TMEM231: variants seen among roughly 807,000 people sequenced by gnomAD.
TMEM231 encodes transmembrane protein 231.
In TMEM231, 40 loss-of-function variants were observed where a neutral mutation model predicts 38.5. That is an observed-to-expected ratio of 1.04 (90% CI 0.81 to 1.35). The LOEUF (loss-of-function observed/expected upper bound fraction) is 1.35, where lower values mean the gene tolerates loss of function less well. Among genes scored for constraint, TMEM231 ranks in the 40% most tolerant of loss-of-function variants. The pLI, the probability that TMEM231 is intolerant of heterozygous loss-of-function variation, is 0.00. For synonymous variants in TMEM231, 199 were observed against 181.7 expected (o/e 1.10, Z -0.77); for missense variants, 420 against 416.9 (o/e 1.01, Z -0.07).
chr16:75,546,087 A>G, intron 2 of TMEM231, 133 bp from the exon 3 acceptor site: 1 of 1,545,884 alleles, frequency 6.5e-7, no homozygotes, highest in Non-Finnish European at 8.7e-7. Flanking sequence ...ACTAAAAGAG[A>G]AAAGCAGATA....
rs2080608020 is a variant in TMEM231, at chr16:75,540,274, G to C, written c.771-100C>G. On this transcript the variant is annotated intron_variant, in intron 6 of 6. Coordinates refer to ENST00000258173, the MANE Select transcript of TMEM231 (RefSeq NM_001077418.3). ...GCAGAGGTATCTCGAAAGGAGGCAG[G>C]ACCTCTGTCATGTACACACCCAGAT... The C allele has an allele frequency of 2.4e-6, 3 of 1,227,882 alleles. No homozygotes were observed. In the African/African-American group the frequency reaches 4.5e-5, roughly 18 times the overall value. 76.1% of individuals were successfully genotyped at this position (1,227,882 alleles called of 1,614,324 possible).
intron 2 of TMEM231, 46 bp downstream of exon 2, chr16:75,555,758 C>T: frequency 6.9e-7 from 1 of 1,458,676 alleles, no homozygotes; most frequent in Non-Finnish European, 9.1e-7. Flanking sequence ...TCCCCATCCC[C>T]ACCCTATCCC....
At chr16:75,551,786 AT>A (rs1206108688) in intron 2 of TMEM231, among the ~76,000 whole-genome samples, 4 of 151,860 alleles carry the variant, frequency 2.6e-5, no homozygotes, top group Non-Finnish European at 5.9e-5. Flanking sequence ...ACATGATGAA[AT>A]CCCGTCTCTA....
chr16:75,545,379 G>A lies in TMEM231; in HGVS notation c.555C>T (p.Ser185=), dbSNP rs1411391097. The A allele has an allele frequency of 6.2e-7, 1 of 1,612,736 alleles. No homozygotes were observed. The highest frequency in any genetic ancestry group is 1.1e-5 in the South Asian group (1 of 90,960). The change falls in exon 4 of 7, where the codon AGC becomes AGT. Residue 185 remains serine (S), a synonymous_variant. Coordinates refer to ENST00000258173, the MANE Select transcript of TMEM231 (RefSeq NM_001077418.3). The part of the protein sequence containing the change: ...DLRLQQKQPL[S]CGGLDARYNI... ...TGTATCGGGCATCTAGGCCACCACAGCTCAGCGGCTGCTTCTGCTGCAGCC... is the reference window on the plus strand; with the variant it reads ...TGTATCGGGCATCTAGGCCACCACAACTCAGCGGCTGCTTCTGCTGCAGCC...
intron 4 of TMEM231, among the ~76,000 whole-genome samples, chr16:75,544,523 T>A (rs938106287): frequency 1.3e-5 from 2 of 151,362 alleles, no homozygotes; most frequent in Non-Finnish European, 2.9e-5. Context: ...GTGGCTGGAG[T>A]GCGGGGAAAG....
At position 75,540,019 on chromosome 16, in the gene TMEM231, T is replaced by G; in HGVS notation, c.926A>C (p.Asp309Ala). ...TIPVTVTPRGDLCKEHLS is the reference protein window; with the variant it reads ...TIPVTVTPRGALCKEHLS ...CTAGGATAAGTGCTCCTTACACAAG[T>G]CTCCCCGGGGCGTCACTGTCACAGG... Residue 309 changes from aspartate (D) to alanine (A), a missense_variant, in exon 7 of 7, where the codon GAC (aspartate) becomes GCC (alanine). Asp to Ala is a moderately radical substitution (Grantham distance 126, BLOSUM62 -2). Transcript: ENST00000258173. The G allele has an allele frequency of 6.2e-7, 1 of 1,612,836 alleles. No homozygotes were observed. Among genetic ancestry groups the G allele is most frequent in the Non-Finnish European group, 8.5e-7 (1 of 1,179,428 alleles).
At chr16:75,549,083 G>T (rs373343678) in intron 2 of TMEM231, among the ~76,000 whole-genome samples, 4 of 152,070 alleles carry the variant, frequency 2.6e-5, no homozygotes. Context: ...GTGGAGAGAG[G>T]GGGGAGAGAA....
intron 4 of TMEM231, 62 bp from the exon 5 acceptor site, chr16:75,542,745 C>T: frequency 6.7e-7 from 1 of 1,496,000 alleles, no homozygotes; most frequent in South Asian, 1.1e-5. Context: ...TTTCCTTCTA[C>T]CCTTCTGCCC....
In TMEM231 at chr16:75,546,777, A is replaced by C. The variant is rs149788002; in HGVS notation, c.310-823T>G. Among the ~76,000 whole-genome samples the C allele has an allele frequency of 1.1e-4, 17 of 152,282 alleles. No homozygotes were observed. The East Asian group carries it at 2.7e-3, about 24-fold the overall frequency. ...TCTGTTTATAGATTCTGAAACCACG[A>C]GTGTCTTTGCTTCAGATTCTTGATG... On this transcript the variant is annotated intron_variant, in intron 2 of 6. Coordinates refer to ENST00000258173, the MANE Select transcript of TMEM231 (RefSeq NM_001077418.3).
Position 75,555,936 on chromosome 16 carries a change from C to A in TMEM231, c.177G>T (p.Pro59=). The part of the protein sequence containing the change: ...WLKRSSYEEQ[P]TVRFQHQVLL... The stretch of plus-strand genomic sequence containing the variant: ...GCACCTGGTGTTGGAAGCGCACGGT[C>A]GGCTGCTCCTCGTAGCTGCTCCGCT... Residue 59 remains proline (P), a synonymous_variant, in exon 2 of 7, where the codon CCG becomes CCT. Transcript: ENST00000258173. 1.9e-6 allele frequency: 3 copies of A among 1,604,606 alleles called. No homozygotes were observed. The highest frequency in any genetic ancestry group is 2.6e-6 in the Non-Finnish European group (3 of 1,176,102).
At chr16:75,551,681 G>C (rs1412582951) in intron 2 of TMEM231, among the ~76,000 whole-genome samples, 1 of 152,106 alleles carries the variant, frequency 6.6e-6, no homozygotes, top group Non-Finnish European at 1.5e-5. Flanking sequence ...AAGCAAAATA[G>C]GTCGGGGCAG....
At chr16:75,544,956 T>C (rs1331559053) in intron 4 of TMEM231, among the ~76,000 whole-genome samples, 231 of 134,186 alleles carry the variant, frequency 1.7e-3, no homozygotes, top group African/African-American at 5.3e-3. Context: ...TTTCTTTTTT[T>C]TTTTTTTTTT....
intron 2 of TMEM231, among the ~76,000 whole-genome samples, chr16:75,554,545 C>CAAAAAAAAAAAAAAAAAAAAAAGAAAAAA (rs1185694717): frequency 1.1e-5 from 1 of 94,116 alleles, no homozygotes. Context: ...GACTGTGTCT[C>CAAAAAAAAAAAAAAAAAAAAAAGAAAAAA]AAAAAAAAAA....
At position 75,545,919 on chromosome 16, in the gene TMEM231, C is replaced by T; in HGVS notation, c.345G>A (p.Thr115=). ...GCTCCAGCTTAAAATGTAACATGTC[C>T]GTCTTCCCATCCTGGTTCCTGTCTT... The part of the protein sequence containing the change: ...REEDRNQDGK[T]DMLHFKLELP... The change falls in exon 3 of 7, where the codon ACG becomes ACA. Residue 115 remains threonine, a synonymous_variant. Transcript: ENST00000258173. 6 of 1,520,982 alleles carry T rather than the reference C, an allele frequency of 3.9e-6. No individual in the cohort carries two copies. The South Asian group carries it at 4.9e-5, about 12-fold the overall frequency. 94.2% of individuals were successfully genotyped at this position (1,520,982 alleles called of 1,614,324 possible).
At chr16:75,554,989 C>A (rs1220114189) in intron 2 of TMEM231, 3 of 152,078 alleles carry the variant, frequency 2.0e-5, no homozygotes, top group Non-Finnish European at 4.4e-5. Context: ...CTCAGCTATA[C>A]AAGGTTGGCT....
intron 2 of TMEM231, among the ~76,000 whole-genome samples, chr16:75,549,389 G>A (rs953982360): frequency 1.4e-4 from 22 of 152,212 alleles, no homozygotes; most frequent in African/African-American, 5.1e-4. Flanking sequence ...TATCTACAAC[G>A]TATATACAGG....
chr16:75,542,750 C>T (rs909289884), intron 4 of TMEM231, 67 bp from the exon 5 acceptor site: 10 of 1,465,350 alleles, frequency 6.8e-6, no homozygotes, highest in Non-Finnish European at 9.5e-6. Context: ...TTCTACCCTT[C>T]TGCCCACCCA....
In TMEM231 at chr16:75,542,647, C is replaced by T. The variant is rs192462687; in HGVS notation, c.619G>A (p.Asp207Asn). The change falls in exon 5 of 7, where the codon GAC becomes AAC. Residue 207 changes from aspartate to asparagine, a missense_variant. Physicochemically the swap from Asp to Asn is conservative, Grantham distance 23 (BLOSUM62 1). Coordinates refer to ENST00000258173, the MANE Select transcript of TMEM231 (RefSeq NM_001077418.3). ...VINGTSPFAY[D>N]YDLTHIVAAY... ...GCAACAATATGGGTGAGGTCGTAGT[C>T]ATAGGCAAAGGGGCTGGTCCCGTTG... The T allele has an allele frequency of 6.2e-7, 1 of 1,613,910 alleles. No homozygotes were observed. The highest frequency in any genetic ancestry group is 1.1e-5 in the South Asian group (1 of 91,056).
chr16:75,549,654 C>T (rs1261596733), intron 2 of TMEM231, among the ~76,000 whole-genome samples: 1 of 152,116 alleles, frequency 6.6e-6, no homozygotes, highest in African/African-American at 2.4e-5. Flanking sequence ...GGAGGATAAC[C>T]CTTTAGAGAT....
Sources: allele counts gnomAD v4.1 joint callset (sites outside exome capture counted in the v4.1 genomes callset), GRCh38; gene constraint gnomAD v4.1.1; transcripts MANE v1.5; gene names NCBI Gene and HGNC (gene_info 2026-07-23, HGNC 2026-07-21).